VPS13B: variants seen among roughly 807,000 people sequenced by gnomAD.
VPS13B encodes vacuolar protein sorting 13 homolog B, also known as intermembrane lipid transfer protein VPS13B.
In VPS13B, 285 loss-of-function variants were observed where a neutral mutation model predicts 426.4. That is an observed-to-expected ratio of 0.67 (90% CI 0.61 to 0.74). VPS13B has a LOEUF of 0.74. Ranked by LOEUF, VPS13B falls within the 30% of genes least tolerant of loss-of-function variation. VPS13B has a pLI of 0.00. For missense variants in VPS13B, 4,537 were observed against 4,782.6 expected (o/e 0.95, Z 1.51); for synonymous variants, 1,676 against 1,676.4 (o/e 1.00, Z 0.01).
intron 35 of VPS13B, among the ~76,000 whole-genome samples, chr8:99,669,532 TCA>T (rs1383942993): frequency 1.2e-4 from 19 of 152,204 alleles, no homozygotes; most frequent in African/African-American, 4.6e-4. Flanking sequence ...GTCACATTCA[TCA>T]TATAATTTAA....
intron 3 of VPS13B, among the ~76,000 whole-genome samples, chr8:99,087,845 A>G (rs1261356613): frequency 1.3e-5 from 2 of 152,070 alleles, no homozygotes; most frequent in African/African-American, 2.4e-5. Context: ...GTGCACATAT[A>G]TAATTGTATG....
chr8:99,577,387 G>A, intron 32 of VPS13B, 103 bp from the exon 33 acceptor site: 2 of 1,526,064 alleles, frequency 1.3e-6, no homozygotes, highest in Non-Finnish European at 1.8e-6. Context: ...TTGAGTCCTA[G>A]GAAATGTCAC....
In VPS13B at chr8:99,274,216, C is replaced by G; in HGVS notation, c.2534C>G (p.Pro845Arg). 1.9e-6 allele frequency: 3 copies of G among 1,613,976 alleles called. No homozygotes were observed. Among genetic ancestry groups the G allele is most frequent in the Non-Finnish European group, 2.5e-6 (3 of 1,179,986 alleles). Reference sequence around the variant, plus strand: ...TTATTAGGTGTGAAATCTAAGAATCCCCTGCCAACTCTTGAGGGCTCAATC... The same window carrying G: ...TTATTAGGTGTGAAATCTAAGAATCGCCTGCCAACTCTTGAGGGCTCAATC... Reference protein sequence around the residue: ...FLSIGVKSKNPLPTLEGSIQN... With the variant: ...FLSIGVKSKNRLPTLEGSIQN... Residue 845 changes from proline to arginine, a missense_variant, in exon 18 of 62, where the codon CCC becomes CGC. Transcript: ENST00000357162.
chr8:99,860,428 C>G (rs1396948140), intron 57 of VPS13B, among the ~76,000 whole-genome samples: 1 of 152,192 alleles, frequency 6.6e-6, no homozygotes, highest in Non-Finnish European at 1.5e-5. Flanking sequence ...ACTGCTCACT[C>G]TTGACACTGG....
intron 19 of VPS13B, among the ~76,000 whole-genome samples, chr8:99,360,979 G>T (rs989026991): frequency 1.3e-5 from 2 of 152,066 alleles, no homozygotes; most frequent in Admixed American, 1.3e-4. Context: ...GTTCTTTTCT[G>T]TTCTCTTTTA....
intron 3 of VPS13B, among the ~76,000 whole-genome samples, chr8:99,066,743 A>C (rs1412746667): frequency 1.3e-5 from 2 of 152,262 alleles, no homozygotes; most frequent in Non-Finnish European, 2.9e-5. Flanking sequence ...AAATTTTTGC[A>C]ATCTACCCAT....
In VPS13B at chr8:99,361,182, A is replaced by C. The variant is rs188015871; in HGVS notation, c.2825-23026A>C. ...GGCTGTTACTTGGAATTATCATTAG[A>C]AGAGAATCAGAATGATCTTATCAGA... On this transcript the variant is annotated intron_variant, in intron 19 of 61. Transcript: ENST00000357162. Among the ~76,000 whole-genome samples the C allele has an allele frequency of 2.4e-3, 364 of 152,344 alleles. 2 individuals are homozygous for C. Among genetic ancestry groups the C allele is most frequent in the African/African-American group, 8.5e-3 (355 of 41,582 alleles).
At chr8:99,789,812 G>C (rs1342955810) in intron 43 of VPS13B, among the ~76,000 whole-genome samples, 1 of 152,054 alleles carries the variant, frequency 6.6e-6, no homozygotes, top group Non-Finnish European at 1.5e-5. Flanking sequence ...GAAATTCTAT[G>C]TATACAATGT....
chr8:99,234,768 A>G (rs1816549435), intron 17 of VPS13B, among the ~76,000 whole-genome samples: 1 of 152,264 alleles, frequency 6.6e-6, no homozygotes, highest in African/African-American at 2.4e-5. Flanking sequence ...CATTAATAAA[A>G]CATTTAAACT....
At chr8:99,048,116 C>T (rs988285685) in intron 3 of VPS13B, among the ~76,000 whole-genome samples, 5 of 152,202 alleles carry the variant, frequency 3.3e-5, no homozygotes, top group African/African-American at 1.2e-4. Flanking sequence ...CCAATGATCA[C>T]TCAGAAACAG....
intron 17 of VPS13B, among the ~76,000 whole-genome samples, chr8:99,247,046 C>T (rs1384526165): frequency 6.6e-6 from 1 of 152,048 alleles, no homozygotes; most frequent in Admixed American, 6.5e-5. Flanking sequence ...AATCCTCAAC[C>T]CCTAATATAG....
intron 19 of VPS13B, among the ~76,000 whole-genome samples, chr8:99,366,613 A>G (rs1812909556): frequency 6.6e-6 from 1 of 151,094 alleles, no homozygotes; most frequent in African/African-American, 2.4e-5. Flanking sequence ...TATTATTGAT[A>G]AGTAAAGACT....
At chr8:99,322,223 C>A (rs1810020231) in intron 19 of VPS13B, among the ~76,000 whole-genome samples, 1 of 152,064 alleles carries the variant, frequency 6.6e-6, no homozygotes, top group Non-Finnish European at 1.5e-5. Context: ...AAATAGCCAC[C>A]TTTTTCATGG....
chr8:99,028,992 C>T (rs1297650434), intron 2 of VPS13B, among the ~76,000 whole-genome samples: 22 of 150,344 alleles, frequency 1.5e-4, no homozygotes, highest in African/African-American at 5.4e-4. Flanking sequence ...GGGGCGGCTG[C>T]CGGGCGGAGG....
chr8:99,290,997 AG>A (rs1218001596), intron 19 of VPS13B, among the ~76,000 whole-genome samples: 1 of 152,144 alleles, frequency 6.6e-6, no homozygotes, highest in African/African-American at 2.4e-5. Flanking sequence ...AATAGTTAAA[AG>A]GCTTTTTTTA....
rs754001219 is a variant in VPS13B at position 99,835,717 on chromosome 8, C to T, written c.9921C>T (p.Asp3307=). 14 of 1,614,114 alleles carry T rather than the reference C, an allele frequency of 8.7e-6. No individual in the cohort carries two copies. The Admixed American group carries it at 1.5e-4, about 17-fold the overall frequency. ...CAACTGAGTGGAGTGATGCCATTGA[C>T]ATCAACAGTCAGGGAACACAGGTCA... is the stretch of plus-strand genomic sequence containing the variant. The part of the protein sequence containing the change: ...EVTTEWSDAI[D]INSQGTQVVF... The change falls in exon 54 of 62, where the codon GAC becomes GAT. Residue 3307 remains aspartate (D), a synonymous_variant. Coordinates refer to ENST00000357162, the MANE Select transcript of VPS13B (RefSeq NM_152564.5).
chr8:99,363,879 T>G (rs1812698088), intron 19 of VPS13B, among the ~76,000 whole-genome samples: 1 of 152,198 alleles, frequency 6.6e-6, no homozygotes, highest in Admixed American at 6.5e-5. Context: ...GTCCTTAGGC[T>G]TTTCCAAATA....
intron 17 of VPS13B, among the ~76,000 whole-genome samples, chr8:99,271,728 A>C (rs1818619990): frequency 6.6e-6 from 1 of 152,196 alleles, no homozygotes; most frequent in Non-Finnish European, 1.5e-5. Flanking sequence ...ACATGGTGGC[A>C]GGAGAGAGAA....
chr8:99,304,409 GT>G (rs149926881), intron 19 of VPS13B, among the ~76,000 whole-genome samples: 6 of 146,928 alleles, frequency 4.1e-5, no homozygotes, highest in Admixed American at 6.8e-5. Flanking sequence ...ATCATGTTTT[GT>G]TTTTTTTTTC....
Sources: gnomAD v4.1 joint callset for allele counts (sites outside exome capture counted in the v4.1 genomes callset) on GRCh38, gnomAD v4.1.1 for gene constraint, MANE v1.5 for transcripts, NCBI Gene and HGNC (gene_info 2026-07-23, HGNC 2026-07-21) for gene names.